The following C11orf65 variants were observed in gnomAD, a reference collection of about 807,000 sequenced individuals.
The protein encoded by C11orf65 is protein MFI.
C11orf65 carries 38 observed loss-of-function variants against 35.3 expected under a neutral mutation model. That is an observed-to-expected ratio of 1.08 (90% CI 0.83 to 1.41). The LOEUF is 1.41. C11orf65 is among the 40% of genes most tolerant of loss of function. The pLI is 0.00. For synonymous variants in C11orf65, 105 were observed against 114.4 expected, an observed-to-expected ratio of 0.92 and a Z score of 0.53; for missense variants, 370 against 367.1, an observed-to-expected ratio of 1.01 and a Z score of -0.06.
chr11:108,421,581 C>A (rs555734742), intron 3 of C11orf65, among the ~76,000 whole-genome samples: 11 of 152,240 alleles, frequency 7.2e-5, no homozygotes, highest in South Asian at 4.2e-4. Context: ...TCACTTGAAT[C>A]TGGGAGGCGA....
chr11:108,383,323 C>T (rs1419381858), intron 8 of C11orf65, 148 bp from the exon 9 acceptor site: 1 of 662,942 alleles, frequency 1.5e-6, no homozygotes, highest in African/African-American at 1.9e-5. Flanking sequence ...CCCCAAATTT[C>T]TGAGTTCATC....
At chr11:108,364,275 C>T (rs112842000) in intron 2 of C11orf65, among the ~76,000 whole-genome samples, 1 of 152,122 alleles carries the variant, frequency 6.6e-6, no homozygotes, top group African/African-American at 2.4e-5. Context: ...TTTATATTGT[C>T]TCCACTTATT....
At chr11:108,450,381 C>T (rs536619327) in intron 2 of C11orf65, among the ~76,000 whole-genome samples, 44 of 151,786 alleles carry the variant, frequency 2.9e-4, no homozygotes, top group South Asian at 1.5e-3. Flanking sequence ...ACCCAAATGC[C>T]TAACAACGAT....
chr11:108,450,128 A>G (rs2093326220), intron 2 of C11orf65, among the ~76,000 whole-genome samples: 1 of 151,928 alleles, frequency 6.6e-6, no homozygotes, highest in African/African-American at 2.4e-5. Context: ...AAAAGTCAGG[A>G]AACAACAGGT....
chr11:108,368,303 AAAG>A (rs1289365149), intron 2 of C11orf65: 3 of 212,714 alleles, frequency 1.4e-5, no homozygotes, highest in African/African-American at 4.5e-5. Context: ...AAAAAAAAAA[AAAG>A]GTTTTGGCAA....
At chr11:108,467,306 G>A (rs1449077281) in intron 1 of C11orf65, among the ~76,000 whole-genome samples, 165 bp downstream of exon 1, 1 of 152,152 alleles carries the variant, frequency 6.6e-6, no homozygotes, top group East Asian at 1.9e-4. Flanking sequence ...CTCGCTGGGA[G>A]GGCTTTAGAG....
rs1287172799 is a variant in C11orf65 at position 108,427,909 on chromosome 11, C to A, written c.174+3837G>T. ...GCAGTGGCGGGATCTCGGCTCACTGCAAGCTCCGCCTCCCGGGTTCACGCC... is the reference window on the plus strand; with the variant it reads ...GCAGTGGCGGGATCTCGGCTCACTGAAAGCTCCGCCTCCCGGGTTCACGCC... On this transcript the variant is annotated intron_variant, in intron 3 of 8. Transcript: ENST00000393084. Among the ~76,000 whole-genome samples, 15 of 115,644 alleles carry A rather than the reference C, an allele frequency of 1.3e-4. No homozygotes were observed. The South Asian group carries it at 4.8e-3, about 37-fold the overall frequency. 75.9% of individuals were successfully genotyped at this position (115,644 alleles called of 152,430 possible).
intron 3 of C11orf65, among the ~76,000 whole-genome samples, chr11:108,413,644 C>T (rs1219866664): frequency 6.6e-6 from 1 of 152,080 alleles, no homozygotes; most frequent in African/African-American, 2.4e-5. Context: ...CCATTCCATA[C>T]AATATTAGCT....
intron 7 of C11orf65, among the ~76,000 whole-genome samples, chr11:108,389,809 C>T (rs2092104645): frequency 6.6e-6 from 1 of 151,532 alleles, no homozygotes; most frequent in South Asian, 2.1e-4. Flanking sequence ...ATTCTCCTGC[C>T]TCGGCCTCCC....
At chr11:108,343,148 C>CT in intron 2 of C11orf65, 1 of 1,581,396 alleles carries the variant, frequency 6.3e-7, no homozygotes, top group Non-Finnish European at 8.7e-7. Flanking sequence ...TGCACTGACT[C>CT]TGATAGCTGA....
At chr11:108,382,493 T>C (rs2091885700), downstream of C11orf65, among the ~76,000 whole-genome samples, 1 of 151,706 alleles carries the variant, frequency 6.6e-6, no homozygotes, top group African/African-American at 2.4e-5. Context: ...AACTATGACA[T>C]AAAATAGGCA....
downstream of C11orf65, among the ~76,000 whole-genome samples, chr11:108,379,883 A>G (rs946802977): frequency 6.6e-6 from 1 of 152,126 alleles, no homozygotes; most frequent in Admixed American, 6.5e-5. Context: ...TAATTTCTCA[A>G]AAAGGGGTAA....
intron 3 of C11orf65, among the ~76,000 whole-genome samples, chr11:108,413,601 C>T (rs887151671): frequency 1.3e-5 from 2 of 152,126 alleles, no homozygotes; most frequent in Admixed American, 1.3e-4. Context: ...TTGTCTTTTT[C>T]CAATTCTTAG....
At chr11:108,335,771 C>T (rs2086768943) in intron 2 of C11orf65, 4 of 1,215,002 alleles carry the variant, frequency 3.3e-6, no homozygotes, top group Non-Finnish European at 4.8e-6. Context: ...GTGCCCTTTG[C>T]TATTCTCAGA....
At chr11:108,398,438 C>A (rs1344009741) in intron 6 of C11orf65, among the ~76,000 whole-genome samples, 1 of 152,112 alleles carries the variant, frequency 6.6e-6, no homozygotes. Context: ...TGAGAAGAAA[C>A]AACTTTTGTG....
chr11:108,367,308 G>GT, intron 2 of C11orf65: 2 of 182,384 alleles, frequency 1.1e-5, no homozygotes, highest in African/African-American at 2.3e-5. Context: ...ATTTTTGACC[G>GT]TAAGGATTTC....
intron 3 of C11orf65, among the ~76,000 whole-genome samples, chr11:108,422,150 G>A (rs1019809586): frequency 3.3e-5 from 5 of 151,972 alleles, no homozygotes; most frequent in Non-Finnish European, 7.4e-5. Flanking sequence ...GGCTGGTCTC[G>A]AACTCCTGAC....
chr11:108,363,210 A>G (rs2090993773), intron 2 of C11orf65, among the ~76,000 whole-genome samples: 1 of 152,054 alleles, frequency 6.6e-6, no homozygotes, highest in African/African-American at 2.4e-5. Flanking sequence ...CTGGGACATC[A>G]TTTCTTTCCT....
downstream of C11orf65, chr11:108,327,464 A>G: frequency 1.8e-6 from 1 of 567,016 alleles, no homozygotes; most frequent in Non-Finnish European, 3.2e-6. Context: ...ACAGAGGATG[A>G]TCATTTCCTA....
Sources: allele counts gnomAD v4.1 joint callset (sites outside exome capture counted in the v4.1 genomes callset), GRCh38; gene constraint gnomAD v4.1.1; transcripts MANE v1.5; gene names NCBI Gene and HGNC (gene_info 2026-07-23, HGNC 2026-07-21).